ADARB1: variants seen among roughly 807,000 people sequenced by gnomAD.
The protein encoded by ADARB1 is adenosine deaminase RNA specific B1, also known as double-stranded RNA-specific editase 1.
A neutral mutation model predicts 52.4 loss-of-function variants in ADARB1; 10 were observed. That is an observed-to-expected ratio of 0.19 (90% CI 0.12 to 0.32). The LOEUF (loss-of-function observed/expected upper bound fraction) is 0.32, where lower values mean the gene tolerates loss of function less well. Among genes scored for constraint, ADARB1 ranks in the 10% least tolerant of loss-of-function variants. ADARB1 has a pLI of 1.00. For synonymous variants in ADARB1, 349 were observed against 371.1 expected (o/e 0.94, Z 0.68); for missense variants, 643 against 922.3 (o/e 0.70, Z 3.92).
Position 45,186,122 on chromosome 21 carries a change from G to T in ADARB1, c.1565+1031G>T, listed in dbSNP as rs541974652. On this transcript the variant is annotated intron_variant, in intron 8 of 10. Transcript: ENST00000348831. The stretch of plus-strand genomic sequence containing the variant: ...TGTGTGTGTGATGTGGGGGAGGGGG[G>T]TGTACTCTTGAAAAATACACAATAG... Among the ~76,000 whole-genome samples, 119 of 152,314 alleles carry T rather than the reference G, an allele frequency of 7.8e-4. No individual in the cohort carries two copies. In the Middle Eastern group the frequency reaches 0.027, roughly 35 times the overall value.
chr21:45,093,215 C>A (rs937002794), intron 1 of ADARB1, among the ~76,000 whole-genome samples: 1 of 152,228 alleles, frequency 6.6e-6, no homozygotes, highest in African/African-American at 2.4e-5. Flanking sequence ...CTGGACTGAT[C>A]CAGGCACTTT....
intron 2 of ADARB1, among the ~76,000 whole-genome samples, chr21:45,139,664 C>T (rs1198064040): frequency 2.0e-5 from 3 of 152,142 alleles, no homozygotes; most frequent in African/African-American, 7.2e-5. Context: ...GGGCCGCGTG[C>T]GCCCGTGGGC....
chr21:45,226,561 C>G (rs2093061727), downstream of ADARB1: 1 of 152,660 alleles, frequency 6.6e-6, no homozygotes, highest in Non-Finnish European at 1.5e-5. Flanking sequence ...TGTTTCACTA[C>G]TCTGGTGTTG....
intron 2 of ADARB1, among the ~76,000 whole-genome samples, chr21:45,143,987 A>G (rs2089881593): frequency 6.6e-6 from 1 of 152,234 alleles, no homozygotes; most frequent in African/African-American, 2.4e-5. Flanking sequence ...GCTCCAGGAA[A>G]GCAGATGTTA....
chr21:45,091,441 A>G (rs529808935), intron 1 of ADARB1, among the ~76,000 whole-genome samples: 1 of 152,338 alleles, frequency 6.6e-6, no homozygotes, highest in East Asian at 1.9e-4. Flanking sequence ...CAGTTTGGTG[A>G]AATGGCACTT....
At chr21:45,084,270 T>C (rs1347659339) in intron 1 of ADARB1, among the ~76,000 whole-genome samples, 2 of 152,260 alleles carry the variant, frequency 1.3e-5, no homozygotes, top group Non-Finnish European at 2.9e-5. Flanking sequence ...AGAACCTATG[T>C]GTAGTCCTGT....
At chr21:45,187,860 T>C (rs2092159316) in intron 8 of ADARB1, among the ~76,000 whole-genome samples, 1 of 152,210 alleles carries the variant, frequency 6.6e-6, no homozygotes, top group Non-Finnish European at 1.5e-5. Flanking sequence ...AGGAGTATCA[T>C]AATGTATAAT....
At chr21:45,181,951 G>A (rs1177062669) in intron 5 of ADARB1, among the ~76,000 whole-genome samples, 2 of 152,258 alleles carry the variant, frequency 1.3e-5, no homozygotes, top group Non-Finnish European at 2.9e-5. Context: ...TTCAGCTGCA[G>A]TGGATGCGAG....
chr21:45,093,989 G>A (rs2086658327), intron 1 of ADARB1, among the ~76,000 whole-genome samples: 1 of 152,128 alleles, frequency 6.6e-6, no homozygotes, highest in East Asian at 1.9e-4. Context: ...TGAGGTGATT[G>A]TGATTGATCC....
intron 8 of ADARB1, among the ~76,000 whole-genome samples, chr21:45,201,197 G>A (rs1049490261): frequency 3.3e-5 from 5 of 152,170 alleles, no homozygotes; most frequent in Non-Finnish European, 7.4e-5. Flanking sequence ...TATTTGCATG[G>A]ACGCTGACTG....
At chr21:45,210,971 C>T (rs186801787) in intron 9 of ADARB1, among the ~76,000 whole-genome samples, 1 of 152,374 alleles carries the variant, frequency 6.6e-6, no homozygotes, top group African/African-American at 2.4e-5. Flanking sequence ...GAGGCTCCTT[C>T]CACAGCTGGT....
intron 1 of ADARB1, among the ~76,000 whole-genome samples, chr21:45,118,241 GC>G (rs1274740883): frequency 2.0e-5 from 3 of 152,198 alleles, no homozygotes; most frequent in Non-Finnish European, 4.4e-5. Context: ...TGCCTCAGTT[GC>G]CATGGTTTCT....
intron 2 of ADARB1, among the ~76,000 whole-genome samples, chr21:45,163,024 G>A (rs1328351054): frequency 2.6e-5 from 4 of 152,174 alleles, no homozygotes; most frequent in African/African-American, 7.2e-5. Flanking sequence ...GCCAACTGTC[G>A]TTTTGCAGAC....
At position 45,172,486 on chromosome 21, in the gene ADARB1, G is replaced by A. The variant is rs1003450131; in HGVS notation, c.28+802G>A. 1.1e-4 allele frequency among the ~76,000 whole-genome samples: 16 copies of A among 152,172 alleles called. No homozygotes were observed. Among genetic ancestry groups the A allele is most frequent in the African/African-American group, 3.9e-4 (16 of 41,430 alleles). Reference sequence around the variant, plus strand: ...AGTGATTATTGAGCATTAGAACTTAGCACTTTCCCTTTGACTTTACGCACA... The same window carrying A: ...AGTGATTATTGAGCATTAGAACTTAACACTTTCCCTTTGACTTTACGCACA... On this transcript the variant is annotated intron_variant, in intron 3 of 10. Coordinates refer to ENST00000348831, the MANE Select transcript of ADARB1 (RefSeq NM_001112.4). This position sits in a 1 kb window ranked among gnomAD's most constrained non-coding sequence, Gnocchi z 4.4.
At chr21:45,141,428 G>C (rs953646991) in intron 2 of ADARB1, among the ~76,000 whole-genome samples, 10 of 152,138 alleles carry the variant, frequency 6.6e-5, no homozygotes, top group African/African-American at 1.9e-4. Context: ...TTTAAATAAT[G>C]CCTAAGAATC....
chr21:45,156,687 C>CCATCAA (rs1569086922), intron 2 of ADARB1, among the ~76,000 whole-genome samples: 2 of 152,194 alleles, frequency 1.3e-5, no homozygotes, highest in Admixed American at 6.5e-5. Context: ...ACCCACTTCT[C>CCATCAA]TACATTGTTC....
At chr21:45,177,397 C>T (rs1398363878) in intron 4 of ADARB1, 3 of 152,218 alleles carry the variant, frequency 2.0e-5, no homozygotes, top group Non-Finnish European at 4.4e-5. Context: ...TCCATTTGAC[C>T]TCCCCAGCGC....
At chr21:45,143,490 C>A (rs552740898) in intron 2 of ADARB1, among the ~76,000 whole-genome samples, 1 of 152,204 alleles carries the variant, frequency 6.6e-6, no homozygotes, top group Non-Finnish European at 1.5e-5. Context: ...TGCCCCTGTC[C>A]CCTACTCTGG....
chr21:45,158,548 C>A (rs1012421437), intron 2 of ADARB1, among the ~76,000 whole-genome samples: 1 of 152,130 alleles, frequency 6.6e-6, no homozygotes, highest in African/African-American at 2.4e-5. Flanking sequence ...CCAGTGACAT[C>A]ATTTTGTGGC....
Sources: gnomAD v4.1 joint callset for allele counts (sites outside exome capture counted in the v4.1 genomes callset) on GRCh38, gnomAD v4.1.1 for gene constraint, Gnocchi (gnomAD v3.1) non-coding constraint, MANE v1.5 for transcripts, NCBI Gene and HGNC (gene_info 2026-07-23, HGNC 2026-07-21) for gene names.